CARD8: variants seen among roughly 807,000 people sequenced by gnomAD.
CARD8 encodes the protein caspase recruitment domain-containing protein 8.
Under a neutral mutation model 53.2 loss-of-function variants are expected in CARD8, and 38 were observed. That is an observed-to-expected ratio of 0.71 (90% CI 0.55 to 0.94). CARD8 has a LOEUF of 0.94. CARD8 is among the 40% of genes least tolerant of loss of function. The pLI is 0.00. For synonymous variants in CARD8, 245 were observed against 244.9 expected, an observed-to-expected ratio of 1.00 and a Z score of 0.00; for missense variants, 561 against 655.5, an observed-to-expected ratio of 0.86 and a Z score of 1.57.
At chr19:48,248,101 T>C (rs1016075714) in intron 3 of CARD8, among the ~76,000 whole-genome samples, 1 of 152,234 alleles carries the variant, frequency 6.6e-6, no homozygotes, top group African/African-American at 2.4e-5. Context: ...AAAATCTGTA[T>C]TCATCTTCAC....
intron 13 of CARD8, among the ~76,000 whole-genome samples, chr19:48,213,373 C>CTTAT (rs906662955): frequency 4.6e-5 from 7 of 151,804 alleles, no homozygotes; most frequent in African/African-American, 1.7e-4. Flanking sequence ...TATTTATTTA[C>CTTAT]TTATTTATTT....
chr19:48,225,985 G>A (rs896240036), intron 10 of CARD8, among the ~76,000 whole-genome samples: 7 of 150,278 alleles, frequency 4.7e-5, no homozygotes, highest in African/African-American at 1.2e-4. Flanking sequence ...CCTGGGAGAC[G>A]GAGGTTGCAG....
rs1248865907 is a variant in CARD8 at position 48,231,790 on chromosome 19, T to A, written c.412A>T (p.Asn138Tyr). The A allele has an allele frequency of 6.2e-7, 1 of 1,613,992 alleles. No individual in the cohort carries two copies. The highest frequency in any genetic ancestry group is 1.7e-5 in the Admixed American group (1 of 60,018). ...GAAGCATAAGAGGAAACTATTTGAT[T>A]CTCTTCTGAGCAAATGTCTCCTGAA... Reference protein sequence around the residue: ...QDSGDICSEENQIVSSYASKV... With the variant: ...QDSGDICSEEYQIVSSYASKV... The change falls in exon 8 of 14, where the codon AAT becomes TAT. Residue 138 changes from asparagine to tyrosine, a missense_variant. Asn to Tyr is a moderately radical substitution (Grantham distance 143). Coordinates refer to ENST00000651546, the MANE Select transcript of CARD8 (RefSeq NM_001184900.3).
Position 48,211,736 on chromosome 19 carries a change from AC to A in CARD8, c.1587del (p.Ser530ProfsTer100), listed in dbSNP as rs765678614. On this transcript the variant is annotated frameshift_variant, in exon 14 of 14. Transcript: ENST00000651546. LOFTEE classifies it high-confidence loss of function. ...TACAAATTCTGCTGTCTAAGATAGGACACGAGGTAAGGGTCCCTTTCACTAA... is the reference window on the plus strand; with the variant it reads ...TACAAATTCTGCTGTCTAAGATAGGAACGAGGTAAGGGTCCCTTTCACTAA... The part of the protein sequence containing the change: ...RSISERDPYL[V>X]SYLRQQNL 1 of 1,614,132 alleles carries A rather than the reference AC, an allele frequency of 6.2e-7. No homozygotes were observed. Among genetic ancestry groups the A allele is most frequent in the East Asian group, 2.2e-5 (1 of 44,870 alleles).
Position 48,220,842 on chromosome 19 carries a change from C to T in CARD8, c.1161+888G>A, listed in dbSNP as rs76556865. Among the ~76,000 whole-genome samples the T allele has an allele frequency of 6.6e-5, 10 of 151,506 alleles. No homozygotes were observed. The East Asian group carries it at 1.2e-3, about 18-fold the overall frequency. On this transcript the variant is annotated intron_variant, in intron 11 of 13. Transcript: ENST00000651546. ...AGGAGAATCACTTGAACCTGGGAGG[C>T]GGCGGTTGTAGTGGGCCAAGACCAC...
intron 1 of CARD8, among the ~76,000 whole-genome samples, chr19:48,250,416 T>C (rs527449811): frequency 1.5e-3 from 221 of 152,292 alleles, no homozygotes; most frequent in Non-Finnish European, 1.8e-3. Context: ...GTGGGTTTTG[T>C]AGAGTCTTTT....
Position 48,231,755 on chromosome 19 carries a change from A to T in CARD8, c.447T>A (p.Cys149Ter). ...QIVSSYASKV[C>*]FEIEEDYKNR... Reference sequence around the variant, plus strand: ...TTTTATAATCTTCTTCGATCTCAAAACAGACTTTAGAAGCATAAGAGGAAA... The same window carrying T: ...TTTTATAATCTTCTTCGATCTCAAATCAGACTTTAGAAGCATAAGAGGAAA... The change falls in exon 8 of 14, where the codon TGT (cysteine) becomes TGA (stop). Residue 149 changes from cysteine to a stop codon, truncating the protein, a stop_gained. Coordinates refer to ENST00000651546, the MANE Select transcript of CARD8 (RefSeq NM_001184900.3). LOFTEE classifies it high-confidence loss of function. 1 of 1,613,484 alleles carries T rather than the reference A, an allele frequency of 6.2e-7. No individual in the cohort carries two copies. The highest frequency in any genetic ancestry group is 8.5e-7 in the Non-Finnish European group (1 of 1,179,672).
chr19:48,229,194 G>A (rs1008033017), intron 10 of CARD8, among the ~76,000 whole-genome samples: 1 of 152,096 alleles, frequency 6.6e-6, no homozygotes, highest in Non-Finnish European at 1.5e-5. Flanking sequence ...GGGTTTCAGA[G>A]GAAAGAAATA....
At chr19:48,241,701 A>T (rs2045144509) in intron 3 of CARD8, among the ~76,000 whole-genome samples, 1 of 152,088 alleles carries the variant, frequency 6.6e-6, no homozygotes, top group Non-Finnish European at 1.5e-5. Flanking sequence ...TACAACTCTA[A>T]TCGTTTTTCT....
chr19:48,218,825 A>C (rs572072577), intron 12 of CARD8, 46 bp downstream of exon 12: 3 of 1,599,340 alleles, frequency 1.9e-6, no homozygotes, highest in Non-Finnish European at 2.6e-6. Context: ...ATAGAGGTAC[A>C]TGATGGATCC....
At position 48,208,162 on chromosome 19, in the gene CARD8, A is replaced by G. The variant is rs2037496998; in HGVS notation, c.*3548T>C. ...TTTATGAAGTACATTCTTCAAATGT[A>G]ACAATTTAGTTCTACTTCAAGATAA... On this transcript the variant is annotated 3_prime_UTR_variant, in exon 14 of 14. Coordinates refer to ENST00000651546, the MANE Select transcript of CARD8 (RefSeq NM_001184900.3). 1 of 152,170 alleles carries G rather than the reference A, an allele frequency of 6.6e-6. No individual in the cohort carries two copies. Among genetic ancestry groups the G allele is most frequent in the Non-Finnish European group, 1.5e-5 (1 of 68,038 alleles). 9.4% of individuals were successfully genotyped at this position (152,170 alleles called of 1,614,324 possible). A position where few individuals can be genotyped will look rare whatever the true frequency, so the allele number is the denominator to read the frequency against.
At chr19:48,247,036 A>T (rs1425218004) in intron 3 of CARD8, among the ~76,000 whole-genome samples, 5 of 152,196 alleles carry the variant, frequency 3.3e-5, no homozygotes, top group Non-Finnish European at 7.3e-5. Context: ...TCATAAATAC[A>T]ATTGAGGCCA....
chr19:48,249,730 C>T (rs1237628323), intron 2 of CARD8, 21 bp downstream of exon 2: 1 of 152,454 alleles, frequency 6.6e-6, no homozygotes, highest in African/African-American at 2.4e-5. Flanking sequence ...TCACCACCTG[C>T]TGCGTTTCTG....
chr19:48,212,677 C>T (rs890463370), intron 13 of CARD8, among the ~76,000 whole-genome samples: 1 of 152,188 alleles, frequency 6.6e-6, no homozygotes, highest in African/African-American at 2.4e-5. Context: ...GTGCAGGCAA[C>T]AGGTGCTATA....
chr19:48,223,947 A>C, intron 10 of CARD8: 1 of 450,146 alleles, frequency 2.2e-6, no homozygotes. Context: ...TTGAATAGAA[A>C]TGTACTGCAA....
Position 48,238,502 on chromosome 19 carries a change from T to A in CARD8, c.90A>T (p.Ala30=), listed in dbSNP as rs893480546. 1 of 1,536,554 alleles carries A rather than the reference T, an allele frequency of 6.5e-7. No individual in the cohort carries two copies. The highest frequency in any genetic ancestry group is 1.2e-5 in the South Asian group (1 of 84,070). Residue 30 remains alanine, a synonymous_variant, in exon 5 of 14, where the codon GCA becomes GCT. Coordinates refer to ENST00000651546, the MANE Select transcript of CARD8 (RefSeq NM_001184900.3). ...RDSGSSRNID[A]SKLIRLQGSR... is the part of the protein sequence containing the mutation. ...ATCCTTGTAGTCTAATGAGTTTGGATGCATCTATGTTCCTACTGGATCCAC... is the reference window on the plus strand; with the variant it reads ...ATCCTTGTAGTCTAATGAGTTTGGAAGCATCTATGTTCCTACTGGATCCAC...
intron 10 of CARD8, among the ~76,000 whole-genome samples, chr19:48,230,085 CCTGGGTGACAGAGTAAGACT>C (rs752039469): frequency 8.5e-5 from 13 of 152,114 alleles, no homozygotes; most frequent in Admixed American, 6.6e-4. Context: ...TTCACTCCAG[CCTGGGTGACAGAGTAAGACT>C]CTGTCTCTAA....
rs185151716 is a variant in CARD8 at position 48,231,059 on chromosome 19, A to G, written c.543-53T>C. 2.5e-4 allele frequency: 367 copies of G among 1,453,438 alleles called. 1 individual carries two copies. The African/African-American group carries it at 4.7e-3, about 19-fold the overall frequency. The allele number at this position is 1,453,438 out of a possible 1,614,324, so 90.0% of individuals were successfully genotyped here. ...CGGGAGAACCCCAGGACTTGGATTT[A>G]AGCAGCGATGTGCAGAGGGAGGTGG... On this transcript the variant is annotated intron_variant, in intron 8 of 13. Transcript: ENST00000651546.
chr19:48,245,625 A>G (rs904970135), intron 3 of CARD8, among the ~76,000 whole-genome samples: 2 of 151,696 alleles, frequency 1.3e-5, no homozygotes, highest in African/African-American at 2.4e-5. Flanking sequence ...CTAGAACTAA[A>G]CTATACAAAA....
Sources: allele counts gnomAD v4.1 joint callset (sites outside exome capture counted in the v4.1 genomes callset), GRCh38; gene constraint gnomAD v4.1.1; transcripts MANE v1.5; gene names NCBI Gene and HGNC (gene_info 2026-07-23, HGNC 2026-07-21).